Variants in HOMER2 observed in about 807,000 individuals in gnomAD.
HOMER2 encodes the protein homer protein homolog 2.
In HOMER2, 27 loss-of-function variants were observed where a neutral mutation model predicts 47.0. That is an observed-to-expected ratio of 0.57 (90% CI 0.42 to 0.79). The LOEUF is 0.79. Among genes scored for constraint, HOMER2 ranks in the 30% least tolerant of loss-of-function variants. The pLI is 0.00. For missense variants in HOMER2, 443 were observed against 435.0 expected (o/e 1.02, Z -0.16); for synonymous variants, 161 against 163.8 (o/e 0.98, Z 0.13).
chr15:82,976,118 T>C (rs938375630), intron 1 of HOMER2, among the ~76,000 whole-genome samples: 6 of 152,180 alleles, frequency 3.9e-5, no homozygotes, highest in Admixed American at 1.3e-4. Flanking sequence ...ACATAGTGTG[T>C]GTGTGCACGC....
chr15:82,899,839 A>G (rs1321926716), intron 1 of HOMER2, among the ~76,000 whole-genome samples: 1 of 152,150 alleles, frequency 6.6e-6, no homozygotes, highest in Non-Finnish European at 1.5e-5. Context: ...CCTGGCCAAC[A>G]TGGCAAAACA....
chr15:82,890,225 C>G (rs1368054296), intron 2 of HOMER2, among the ~76,000 whole-genome samples: 2 of 152,194 alleles, frequency 1.3e-5, no homozygotes, highest in Middle Eastern at 3.4e-3. Flanking sequence ...ACCTATAATC[C>G]CACCTACTTG....
chr15:82,882,148 G>A (rs980995102), intron 2 of HOMER2, among the ~76,000 whole-genome samples: 5 of 152,350 alleles, frequency 3.3e-5, no homozygotes, highest in African/African-American at 1.2e-4. Context: ...TGAGAAGCTG[G>A]GAGTGGGGAG....
chr15:82,902,244 C>CT (rs2053145297), intron 1 of HOMER2, among the ~76,000 whole-genome samples: 1 of 147,830 alleles, frequency 6.8e-6, no homozygotes, highest in Admixed American at 6.8e-5. Flanking sequence ...GTCACCCAGG[C>CT]TGTAATGCAG....
intron 3 of HOMER2, among the ~76,000 whole-genome samples, chr15:82,868,056 T>C (rs2052033607): frequency 6.6e-6 from 1 of 152,172 alleles, no homozygotes; most frequent in Non-Finnish European, 1.5e-5. Context: ...AATATATATA[T>C]ATGCTTGTAA....
chr15:82,849,845 A>G lies in HOMER2; in HGVS notation c.902T>C (p.Ile301Thr), dbSNP rs1402143370. ...EDKVRSLKTDIEESKYRQRHL... is the reference protein window; with the variant it reads ...EDKVRSLKTDTEESKYRQRHL... ...GCGCTGTCGGTATTTGCTCTCCTCA[A>G]TGTCTGTCTTTAAGGAACGCACTTT... The change falls in exon 9 of 9, where the codon ATT becomes ACT. Residue 301 changes from isoleucine (I) to threonine (T), a missense_variant. Physicochemically the swap from Ile to Thr is moderately conservative, Grantham distance 89 (BLOSUM62 -1). Coordinates refer to ENST00000450735, the MANE Select transcript of HOMER2 (RefSeq NM_004839.4). 1 of 1,613,894 alleles carries G rather than the reference A, an allele frequency of 6.2e-7. No individual in the cohort carries two copies. Among genetic ancestry groups the G allele is most frequent in the African/African-American group, 1.3e-5 (1 of 75,006 alleles).
intron 4 of HOMER2, among the ~76,000 whole-genome samples, chr15:82,860,977 G>GAGAGAA (rs1555420268): frequency 6.2e-4 from 89 of 144,276 alleles, no homozygotes; most frequent in Non-Finnish European, 8.6e-4. Flanking sequence ...GAGAGAGAGA[G>GAGAGAA]AGAGAAAGCG....
chr15:82,951,840 T>C (rs2054512179), intron 1 of HOMER2, among the ~76,000 whole-genome samples: 2 of 152,264 alleles, frequency 1.3e-5, no homozygotes, highest in South Asian at 4.1e-4. Context: ...TAAGGAGTTA[T>C]TGTGCTATTA....
At chr15:82,967,933 T>A (rs1385405202) in intron 1 of HOMER2, among the ~76,000 whole-genome samples, 1 of 152,144 alleles carries the variant, frequency 6.6e-6, no homozygotes. Context: ...GATATCTCAC[T>A]GCACAGGCAG....
At chr15:82,910,132 C>CAAAAAAAAAAAA (rs35191408) in intron 1 of HOMER2, among the ~76,000 whole-genome samples, 1 of 22,140 alleles carries the variant, frequency 4.5e-5, no homozygotes, top group African/African-American at 1.2e-4. Context: ...GATTCTGTCT[C>CAAAAAAAAAAAA]AAAAAAAAAA....
In HOMER2 at chr15:82,928,940, TA is replaced by T; in HGVS notation, c.5+23590del. 5.6e-3 allele frequency among the ~76,000 whole-genome samples: 222 copies of T among 39,924 alleles called. 25 individuals carry two copies. The highest frequency in any genetic ancestry group is 0.024 in the African/African-American group (156 of 6,482). 26.2% of individuals were successfully genotyped at this position (39,924 alleles called of 152,430 possible). On this transcript the variant is annotated intron_variant, in intron 1 of 8. Transcript: ENST00000450735. Reference sequence around the variant, plus strand: ...TAACAACTGGCAAAAAAATAAAAACTAAAAAAAAAAAAAAAAAAAAGCTGTC... The same window carrying T: ...TAACAACTGGCAAAAAAATAAAAACTAAAAAAAAAAAAAAAAAAAGCTGTC...
At chr15:82,930,592 T>A (rs2053981635) in intron 1 of HOMER2, among the ~76,000 whole-genome samples, 1 of 152,202 alleles carries the variant, frequency 6.6e-6, no homozygotes, top group Admixed American at 6.5e-5. Flanking sequence ...CTATAGTTGT[T>A]GGGAGGATAC....
chr15:82,923,626 G>C (rs547913707), intron 1 of HOMER2, among the ~76,000 whole-genome samples: 1 of 152,232 alleles, frequency 6.6e-6, no homozygotes, highest in Non-Finnish European at 1.5e-5. Flanking sequence ...GCTCTTTGTT[G>C]GACAGTACAG....
intron 1 of HOMER2, among the ~76,000 whole-genome samples, chr15:82,974,746 A>C (rs2030143762): frequency 1.3e-5 from 2 of 152,282 alleles, no homozygotes; most frequent in Admixed American, 1.3e-4. Flanking sequence ...ACCCACTGTG[A>C]GCCACTGTGC....
At chr15:82,946,263 T>C (rs776117724) in intron 1 of HOMER2, among the ~76,000 whole-genome samples, 3 of 152,222 alleles carry the variant, frequency 2.0e-5, no homozygotes, top group Non-Finnish European at 4.4e-5. Flanking sequence ...GCAGCAAACA[T>C]GCCTTTATTC....
chr15:82,915,569 C>T (rs1024771201), intron 1 of HOMER2, among the ~76,000 whole-genome samples: 3 of 151,922 alleles, frequency 2.0e-5, no homozygotes, highest in Non-Finnish European at 4.4e-5. Flanking sequence ...CAAAATTTGC[C>T]GGGCATGGTG....
At chr15:82,874,382 C>T (rs963766332) in intron 3 of HOMER2, among the ~76,000 whole-genome samples, 2 of 152,154 alleles carry the variant, frequency 1.3e-5, no homozygotes, top group Admixed American at 6.5e-5. Flanking sequence ...CCAAAATATT[C>T]TAAATACTTA....
intron 1 of HOMER2, among the ~76,000 whole-genome samples, chr15:82,944,839 A>G: frequency 6.6e-6 from 1 of 152,062 alleles, no homozygotes; most frequent in East Asian, 1.9e-4. Flanking sequence ...CACTGGGGGA[A>G]TTCTCTTTGA....
At chr15:82,873,869 G>A (rs1370186973) in intron 3 of HOMER2, among the ~76,000 whole-genome samples, 1 of 152,178 alleles carries the variant, frequency 6.6e-6, no homozygotes, top group Admixed American at 6.5e-5. Flanking sequence ...TCTGTGCGCT[G>A]GGGACCTCCT....
Sources: gnomAD v4.1 joint callset for allele counts (sites outside exome capture counted in the v4.1 genomes callset) on GRCh38, gnomAD v4.1.1 for gene constraint, MANE v1.5 for transcripts, NCBI Gene and HGNC (gene_info 2026-07-23, HGNC 2026-07-21) for gene names.